OFD1: variants seen among roughly 807,000 people sequenced by gnomAD.
OFD1 encodes the protein centriole and centriolar satellite protein OFD1.
OFD1 carries 12 observed loss-of-function variants against 81.4 expected under a neutral mutation model. The ratio of observed to expected loss-of-function variants is 0.15; its 90% CI spans 0.09 to 0.24. OFD1 has a LOEUF of 0.24. OFD1 is among the 10% of genes least tolerant of loss of function. The pLI is 1.00. For synonymous variants in OFD1, 256 were observed against 263.7 expected (o/e 0.97, Z 0.28); for missense variants, 685 against 733.9 (o/e 0.93, Z 0.77).
chrX:13,759,547 TC>T (rs2047846739), intron 15 of OFD1, among the ~76,000 whole-genome samples: 1 of 111,544 alleles, frequency 9.0e-6, no homozygotes, highest in African/African-American at 3.3e-5. Flanking sequence ...TAAGCTTTAG[TC>T]CCCCCATCTG....
chrX:13,753,983 TA>T (rs2047601233), intron 11 of OFD1, among the ~76,000 whole-genome samples: 1 of 110,207 alleles, frequency 9.1e-6, no homozygotes, highest in Admixed American at 9.5e-5. Context: ...CATTTCAGTG[TA>T]TTTTTTTTTT....
In OFD1 at chrX:13,734,777, C is replaced by T. The variant is rs2046784712; in HGVS notation, c.-295C>T. The T allele has an allele frequency of 2.2e-5, 23 of 1,057,272 alleles. No individual in the cohort carries two copies. The highest frequency in any genetic ancestry group is 5.7e-5 in the African/African-American group (3 of 52,714). The allele number at this position is 1,057,272 out of a possible 1,213,427, so 87.1% of individuals were successfully genotyped here. On this transcript the variant is annotated 5_prime_UTR_variant, in exon 1 of 23. Coordinates refer to ENST00000340096, the MANE Select transcript of OFD1 (RefSeq NM_003611.3). ...GCTGTGAGGCGGTCCTGCCTCGCTG[C>T]CTTCAGTCCCTAGTGTCTGGGTCCC...
chrX:13,745,726 G>T (rs749564985), intron 6 of OFD1, among the ~76,000 whole-genome samples: 34 of 112,260 alleles, frequency 3.0e-4, no homozygotes, highest in African/African-American at 1.1e-3. Flanking sequence ...TTGCTATGTG[G>T]TTGATTCTGA....
upstream of OFD1, chrX:13,734,616 C>T: frequency 3.7e-6 from 3 of 800,924 alleles, no homozygotes; most frequent in South Asian, 1.5e-4. Context: ...CGAAGCAGTT[C>T]TCGCGATACC....
intron 3 of OFD1, among the ~76,000 whole-genome samples, chrX:13,737,710 G>A (rs978044267): frequency 1.8e-5 from 2 of 111,233 alleles, no homozygotes; most frequent in Admixed American, 1.9e-4. Flanking sequence ...TACTTTCTTT[G>A]TGTTTTCTGT....
At position 13,757,787 on chromosome X, in the gene OFD1, C is replaced by T. The variant is rs1480093399; in HGVS notation, c.1539C>T (p.Asp513=). 3.3e-6 allele frequency: 4 copies of T among 1,209,213 alleles called. No individual in the cohort carries two copies. The highest frequency in any genetic ancestry group is 3.5e-5 in the African/African-American group (2 of 57,106). ...CRQALHKQLQ[D]EIEHSAQLKA... ...AAGCTCTGCACAAACAACTGCAAGACGAAGTGAGTATTGCTCTTCTTCAGT... is the reference window on the plus strand; with the variant it reads ...AAGCTCTGCACAAACAACTGCAAGATGAAGTGAGTATTGCTCTTCTTCAGT... The change falls in exon 14 of 23, where the codon GAC becomes GAT. Residue 513 remains aspartate (D), a synonymous_variant. Transcript: ENST00000340096.
the OFD1 span, among the ~76,000 whole-genome samples, chrX:13,725,938 T>C: frequency 8.9e-5 from 10 of 111,844 alleles, no homozygotes; most frequent in Non-Finnish European, 1.7e-4. Flanking sequence ...CTAAAAACCA[T>C]GGCACAAGAA....
downstream of OFD1, among the ~76,000 whole-genome samples, chrX:13,770,146 G>A (rs73451156): frequency 1.2e-4 from 13 of 112,278 alleles, no homozygotes; most frequent in Non-Finnish European, 2.4e-4. Flanking sequence ...CCTAGGTTTC[G>A]TGGCAGGATC....
Position 13,753,496 on chromosome X carries a change from G to A in OFD1, c.1129+55G>A, listed in dbSNP as rs745750290. The stretch of plus-strand genomic sequence containing the variant: ...TTTTCAGTTCTGCTGTAGGTTATTA[G>A]CTTCCCAAGTTGGGTCTTTTCTATA... On this transcript the variant is annotated intron_variant, in intron 11 of 22. Transcript: ENST00000340096. 15 of 1,123,394 alleles carry A rather than the reference G, an allele frequency of 1.3e-5. No homozygotes were observed. The East Asian group carries it at 4.5e-4, about 34-fold the overall frequency. 92.6% of individuals were successfully genotyped at this position (1,123,394 alleles called of 1,213,427 possible).
At chrX:13,768,967 G>A in intron 22 of OFD1, 99 bp from the exon 23 acceptor site, 1 of 774,867 alleles carries the variant, frequency 1.3e-6, no homozygotes, top group Non-Finnish European at 2.0e-6. Context: ...GTAAACTAGG[G>A]CAGAAACCCC....
chrX:13,745,192 G>T (rs1166942252), intron 6 of OFD1, among the ~76,000 whole-genome samples: 1 of 112,248 alleles, frequency 8.9e-6, no homozygotes, highest in African/African-American at 3.2e-5. Context: ...ATATGACTAT[G>T]CCTTTAAGTG....
At chrX:13,747,229 T>G (rs1020727071) in intron 8 of OFD1, among the ~76,000 whole-genome samples, 1 of 111,775 alleles carries the variant, frequency 8.9e-6, no homozygotes, top group African/African-American at 3.3e-5. Flanking sequence ...TCAGGCAGAT[T>G]AGAGGGTTAG....
At chrX:13,752,617 G>A (rs2047546828) in intron 10 of OFD1, 1 of 869,202 alleles carries the variant, frequency 1.2e-6, no homozygotes, top group Non-Finnish European at 1.5e-6. Context: ...TGTAGTTGCT[G>A]AATTTTTAGG....
At chrX:13,755,946 CTTTT>C (rs34300430) in intron 12 of OFD1, among the ~76,000 whole-genome samples, 11 of 65,098 alleles carry the variant, frequency 1.7e-4, no homozygotes, top group African/African-American at 4.6e-4. Context: ...CTTTCTTTCC[CTTTT>C]TTTTTTTTTT....
At position 13,755,117 on chromosome X, in the gene OFD1, A is replaced by T. The variant is rs766605967; in HGVS notation, c.1130-34A>T. ...TGGCTTTTGTATTCACTAGGAAAAC[A>T]TTATGGTGTTTAATTGGTGGGCTCT... is the stretch of plus-strand genomic sequence containing the variant. On this transcript the variant is annotated intron_variant, in intron 11 of 22. Coordinates refer to ENST00000340096, the MANE Select transcript of OFD1 (RefSeq NM_003611.3). 1.4e-5 allele frequency: 14 copies of T among 1,031,690 alleles called. No homozygotes were observed. The South Asian group carries it at 2.6e-4, about 19-fold the overall frequency. The allele number at this position is 1,031,690 out of a possible 1,213,427, so 85.0% of individuals were successfully genotyped here. A position where few individuals can be genotyped will look rare whatever the true frequency, so the allele number is the denominator to read the frequency against.
the OFD1 span, among the ~76,000 whole-genome samples, chrX:13,719,048 C>A: frequency 1.8e-5 from 2 of 110,717 alleles, no homozygotes; most frequent in Non-Finnish European, 3.8e-5. Context: ...TCCCAGCTAC[C>A]TGGGAGGCTA....
the OFD1 span, among the ~76,000 whole-genome samples, chrX:13,724,100 G>A: frequency 1.8e-5 from 2 of 111,794 alleles, no homozygotes; most frequent in African/African-American, 6.5e-5. Context: ...AAGCTGGAAA[G>A]TACAAGGAAA....
chrX:13,759,294 G>T lies in OFD1; in HGVS notation c.1655-821G>T, dbSNP rs1335406266. Among the ~76,000 whole-genome samples, 4 of 111,674 alleles carry T rather than the reference G, an allele frequency of 3.6e-5. No homozygotes were observed. In the Admixed American group the frequency reaches 3.8e-4, roughly 11 times the overall value. On this transcript the variant is annotated intron_variant, in intron 15 of 22. Transcript: ENST00000340096. ...TCTCTACTCGTTTCTGCTTTTTTCT[G>T]TTCCTCATTTTCTTTCAGTTCTGTT... is the stretch of plus-strand genomic sequence containing the variant.
chrX:13,735,451 A>G (rs189544035), intron 2 of OFD1, 105 bp downstream of exon 2: 3 of 590,367 alleles, frequency 5.1e-6, no homozygotes, highest in Non-Finnish European at 8.9e-6. Context: ...TGATACATAG[A>G]TTGTATTGGT....
Sources: allele counts gnomAD v4.1 joint callset (sites outside exome capture counted in the v4.1 genomes callset), GRCh38; gene constraint gnomAD v4.1.1; transcripts MANE v1.5; gene names NCBI Gene and HGNC (gene_info 2026-07-23, HGNC 2026-07-21).